The following NPY2R variants were observed in gnomAD, a reference collection of about 807,000 sequenced individuals.
NPY2R encodes the protein neuropeptide Y receptor type 2.
NPY2R carries 17 observed loss-of-function variants against 22.3 expected under a neutral mutation model. The ratio of observed to expected loss-of-function variants is 0.76; its 90% CI spans 0.52 to 1.14. The LOEUF is 1.14. Ranked by LOEUF, NPY2R falls within the 50% of genes most tolerant of loss-of-function variation. NPY2R has a pLI of 0.00. For synonymous variants in NPY2R, 209 were observed against 183.4 expected (o/e 1.14, Z -1.13); for missense variants, 424 against 467.9 (o/e 0.91, Z 0.87).
At chr4:155,206,875 G>A (rs553571804), upstream of NPY2R, 2 of 152,206 alleles carry the variant, frequency 1.3e-5, no homozygotes, top group East Asian at 3.9e-4. Context: ...TAACTTATTG[G>A]TATATGGTTC....
the NPY2R span, among the ~76,000 whole-genome samples, chr4:155,187,551 TGA>T: frequency 5.8e-4 from 86 of 148,340 alleles, no homozygotes; most frequent in East Asian, 5.9e-4. Flanking sequence ...AGGAGCAGCG[TGA>T]GAGAGAGAGA....
At chr4:155,179,502 C>T in the NPY2R span, among the ~76,000 whole-genome samples, 10 of 152,142 alleles carry the variant, frequency 6.6e-5, no homozygotes, top group Admixed American at 2.0e-4. Context: ...ATTTAGCCCC[C>T]ACTTCTATGA....
the NPY2R span, among the ~76,000 whole-genome samples, chr4:155,201,699 A>C: frequency 6.6e-6 from 1 of 152,218 alleles, no homozygotes; most frequent in East Asian, 1.9e-4. Flanking sequence ...TGACTTATTT[A>C]GTTTGACTTA....
At chr4:155,196,029 T>C in the NPY2R span, among the ~76,000 whole-genome samples, 3 of 152,158 alleles carry the variant, frequency 2.0e-5, no homozygotes, top group East Asian at 5.8e-4. Flanking sequence ...AAGGTCTTAG[T>C]AATTATTTCT....
At chr4:155,197,231 C>T in the NPY2R span, among the ~76,000 whole-genome samples, 6 of 151,624 alleles carry the variant, frequency 4.0e-5, no homozygotes, top group African/African-American at 1.5e-4. Flanking sequence ...TTGTGGTAAA[C>T]ATGTTTCATT....
At chr4:155,185,563 T>TA in the NPY2R span, among the ~76,000 whole-genome samples, 1,642 of 152,218 alleles carry the variant, frequency 0.011, 35 homozygotes, top group African/African-American at 0.038. Context: ...ATATGGAGCA[T>TA]AAAAAAACTA....
In NPY2R at chr4:155,214,155, C is replaced by T; in HGVS notation, c.216C>T (p.Ile72=). 1 of 1,613,504 alleles carries T rather than the reference C, an allele frequency of 6.2e-7. No individual in the cohort carries two copies. The highest frequency in any genetic ancestry group is 1.1e-5 in the South Asian group (1 of 91,070). ...LLGVIGNSLV[I]HVVIKFKSMR... ...GGGTAATTGGCAACTCCTTGGTGAT[C>T]CATGTGGTGATCAAATTCAAGAGCA... The change falls in exon 2 of 2, where the codon ATC becomes ATT. Residue 72 remains isoleucine, a synonymous_variant. Coordinates refer to ENST00000329476, the MANE Select transcript of NPY2R (RefSeq NM_000910.4).
At chr4:155,202,322 T>C in the NPY2R span, among the ~76,000 whole-genome samples, 1 of 152,142 alleles carries the variant, frequency 6.6e-6, no homozygotes, top group Non-Finnish European at 1.5e-5. Flanking sequence ...CCATTCCTCC[T>C]TGGGGTCTCA....
chr4:155,212,882 A>G (rs1413230394), intron 1 of NPY2R, among the ~76,000 whole-genome samples: 1 of 152,220 alleles, frequency 6.6e-6, no homozygotes, highest in African/African-American at 2.4e-5. Context: ...TTCCAACCCA[A>G]GTTTCCTTAG....
chr4:155,214,485 C>G lies in NPY2R; in HGVS notation c.546C>G (p.Pro182=), dbSNP rs1465103004. The G allele has an allele frequency of 3.7e-6, 6 of 1,614,054 alleles. No homozygotes were observed. The highest frequency in any genetic ancestry group is 5.1e-6 in the Non-Finnish European group (6 of 1,180,040). Residue 182 remains proline, a synonymous_variant, in exon 2 of 2, where the codon CCC becomes CCG. Transcript: ENST00000329476. Reference sequence around the variant, plus strand: ...GCATCAGTGCCCTGCTGGCAAGTCCCCTGGCCATCTTCCGGGAGTATTCGC... The same window carrying G: ...GCATCAGTGCCCTGCTGGCAAGTCCGCTGGCCATCTTCCGGGAGTATTCGC... ...AWGISALLAS[P]LAIFREYSLI...
At chr4:155,192,289 A>G in the NPY2R span, among the ~76,000 whole-genome samples, 3 of 151,834 alleles carry the variant, frequency 2.0e-5, no homozygotes, top group Admixed American at 6.6e-5. Context: ...ACAGTTTGCA[A>G]TTTTGTATCT....
the NPY2R span, among the ~76,000 whole-genome samples, chr4:155,191,713 C>T: frequency 6.6e-6 from 1 of 151,800 alleles, no homozygotes; most frequent in Non-Finnish European, 1.5e-5. Context: ...GAACATTAAC[C>T]ATGCATTTTA....
Position 155,215,575 on chromosome 4 carries a change from A to G in NPY2R, c.*490A>G, listed in dbSNP as rs1729499224. The G allele has an allele frequency of 4.9e-6, 1 of 203,866 alleles. No homozygotes were observed. The highest frequency in any genetic ancestry group is 1.1e-5 in the Non-Finnish European group (1 of 90,128). The allele number at this position is 203,866 out of a possible 1,614,324, so 12.6% of individuals were successfully genotyped here. A position where few individuals can be genotyped will look rare whatever the true frequency, so the allele number is the denominator to read the frequency against. ...TCATCGCATTTTGATTTTTTTGTTCATTCTCTAGACAAAATCCATCAGGGA... is the reference window on the plus strand; with the variant it reads ...TCATCGCATTTTGATTTTTTTGTTCGTTCTCTAGACAAAATCCATCAGGGA... On this transcript the variant is annotated 3_prime_UTR_variant, in exon 2 of 2. Transcript: ENST00000329476.
chr4:155,199,858 G>A, the NPY2R span, among the ~76,000 whole-genome samples: 64,348 of 151,882 alleles, frequency 0.42, 14,984 homozygotes, highest in African/African-American at 0.62. Flanking sequence ...AAATTTACTT[G>A]AGATGGATTA....
In NPY2R at chr4:155,215,185, A is replaced by G; in HGVS notation, c.*100A>G. ...GAAAACTGATTTCCCATTTTAAAGA[A>G]GAAGTGGATCTAAATGGAAGCATCT... On this transcript the variant is annotated 3_prime_UTR_variant, in exon 2 of 2. Transcript: ENST00000329476. 8.8e-7 allele frequency: 1 copy of G among 1,137,154 alleles called. No individual in the cohort carries two copies. The highest frequency in any genetic ancestry group is 1.3e-6 in the Non-Finnish European group (1 of 762,506). The allele number at this position is 1,137,154 out of a possible 1,614,324, so 70.4% of individuals were successfully genotyped here. A position where few individuals can be genotyped will look rare whatever the true frequency, so the allele number is the denominator to read the frequency against.
intron 1 of NPY2R, among the ~76,000 whole-genome samples, chr4:155,212,428 G>A (rs1729424568): frequency 6.6e-6 from 1 of 152,158 alleles, no homozygotes; most frequent in Non-Finnish European, 1.5e-5. Context: ...TAATATCAGA[G>A]TAGGCATTGT....
rs1729512067 is a variant in NPY2R, at chr4:155,216,267, A to G, written c.*1182A>G. The G allele has an allele frequency of 6.0e-6, 1 of 166,772 alleles. No homozygotes were observed. The highest frequency in any genetic ancestry group is 1.5e-5 in the Non-Finnish European group (1 of 68,022). The allele number at this position is 166,772 out of a possible 1,614,324, so 10.3% of individuals were successfully genotyped here. ...AAAATAATTAGCTATATTTTTATAT[A>G]ATATGAATATATACATAAAAATTGT... On this transcript the variant is annotated 3_prime_UTR_variant, in exon 2 of 2. Transcript: ENST00000329476.
At chr4:155,182,540 G>A in the NPY2R span, among the ~76,000 whole-genome samples, 71,269 of 151,962 alleles carry the variant, frequency 0.47, 17,449 homozygotes, top group East Asian at 0.69. Flanking sequence ...TCAACAGAGC[G>A]AATGATGTTT....
upstream of NPY2R, among the ~76,000 whole-genome samples, chr4:155,204,205 A>G (rs975139265): frequency 6.6e-5 from 10 of 151,922 alleles, no homozygotes; most frequent in African/African-American, 2.4e-4. Flanking sequence ...GTGAGGGGAA[A>G]AAAAAAAAAA....
Sources: gnomAD v4.1 joint callset for allele counts (sites outside exome capture counted in the v4.1 genomes callset) on GRCh38, gnomAD v4.1.1 for gene constraint, MANE v1.5 for transcripts, NCBI Gene and HGNC (gene_info 2026-07-23, HGNC 2026-07-21) for gene names.